The following DDR2 variants were observed in gnomAD, a reference collection of about 807,000 sequenced individuals.
The protein encoded by DDR2 is discoidin domain-containing receptor 2.
DDR2 carries 27 observed loss-of-function variants against 94.9 expected under a neutral mutation model. The ratio of observed to expected loss-of-function variants is 0.28; its 90% CI spans 0.21 to 0.39. The LOEUF is 0.39. DDR2 is among the 10% of genes least tolerant of loss of function. The pLI, the probability that DDR2 is intolerant of heterozygous loss-of-function variation, is 1.00. For synonymous variants in DDR2, 382 were observed against 377.2 expected (o/e 1.01, Z -0.15); for missense variants, 783 against 1,076.0 (o/e 0.73, Z 3.81).
At chr1:162,701,382 A>AGG (rs1660425425) in intron 2 of DDR2, among the ~76,000 whole-genome samples, 1 of 152,360 alleles carries the variant, frequency 6.6e-6, no homozygotes, top group Middle Eastern at 3.4e-3. Flanking sequence ...TTACGTGTGT[A>AGG]GGTGATATGG....
intron 10 of DDR2, 58 bp from the exon 11 acceptor site, chr1:162,767,171 A>G (rs1233507163): frequency 1.9e-6 from 3 of 1,612,984 alleles, no homozygotes; most frequent in Non-Finnish European, 2.5e-6. Flanking sequence ...TCAGTCCCTC[A>G]TACTTTTACT....
intron 2 of DDR2, among the ~76,000 whole-genome samples, chr1:162,700,225 C>T (rs562462555): frequency 6.6e-6 from 1 of 152,230 alleles, no homozygotes; most frequent in Non-Finnish European, 1.5e-5. Context: ...TGATGTTTGG[C>T]GACAATATCC....
rs1322190335 is a variant in DDR2 at position 162,753,095 on chromosome 1, C to T, written c.83C>T (p.Ala28Val). ...LSSAKAQVNPAICRYPLGMSG... is the reference protein window; with the variant it reads ...LSSAKAQVNPVICRYPLGMSG... ...TTCTCTTTGGTTTCTCTTGGTCTAG[C>T]TATATGCCGCTATCCTCTGGGCATG... is the stretch of plus-strand genomic sequence containing the variant. The change falls in exon 4 of 18, where the codon GCT (alanine) becomes GTT (valine). Residue 28 changes from alanine (A) to valine (V), a missense_variant and splice_region_variant. By Grantham distance (64) the Ala-to-Val change is moderately conservative (BLOSUM62 0). This residue lies in a region of DDR2 where 519 missense variants were observed against 647.9 expected (regional missense o/e 0.80). Coordinates refer to ENST00000367921, the MANE Select transcript of DDR2 (RefSeq NM_006182.4). The T allele has an allele frequency of 2.5e-6, 4 of 1,612,894 alleles. No homozygotes were observed. Among genetic ancestry groups the T allele is most frequent in the Middle Eastern group, 3.3e-4 (2 of 6,012 alleles).
At chr1:162,730,057 G>GGAA (rs1661952865) in intron 3 of DDR2, among the ~76,000 whole-genome samples, 1 of 66,656 alleles carries the variant, frequency 1.5e-5, no homozygotes, top group African/African-American at 6.2e-5. Context: ...TTTTTTTTTT[G>GGAA]CAAAAAAAAA....
At chr1:162,666,215 T>C (rs1658554846) in intron 2 of DDR2, among the ~76,000 whole-genome samples, 1 of 152,196 alleles carries the variant, frequency 6.6e-6, no homozygotes. Context: ...TACTCTCCTC[T>C]CTCTCTCATT....
At chr1:162,673,280 C>T (rs1379548684) in intron 2 of DDR2, among the ~76,000 whole-genome samples, 1 of 152,154 alleles carries the variant, frequency 6.6e-6, no homozygotes, top group Non-Finnish European at 1.5e-5. Flanking sequence ...GGTATGGGAA[C>T]ATCACCCTCT....
At chr1:162,673,587 G>A (rs554265526) in intron 2 of DDR2, among the ~76,000 whole-genome samples, 14 of 125,966 alleles carry the variant, frequency 1.1e-4, no homozygotes, top group Admixed American at 9.7e-4. Flanking sequence ...GTGCGTGTGT[G>A]TGTGTGTATG....
chr1:162,685,297 G>A (rs923723084), intron 2 of DDR2, among the ~76,000 whole-genome samples: 1 of 152,146 alleles, frequency 6.6e-6, no homozygotes, highest in Non-Finnish European at 1.5e-5. Context: ...TAGAATGTAT[G>A]AATGAAATGG....
intron 2 of DDR2, 95 bp downstream of exon 2, chr1:162,655,469 C>T (rs1395460957): frequency 6.6e-6 from 1 of 152,188 alleles, no homozygotes; most frequent in Admixed American, 6.5e-5. Context: ...CCTGGTGTCA[C>T]AGGGAAAGTT....
intron 2 of DDR2, among the ~76,000 whole-genome samples, chr1:162,710,758 A>G (rs935797774): frequency 3.2e-5 from 3 of 92,670 alleles, no homozygotes; most frequent in East Asian, 5.7e-4. Flanking sequence ...TGCCACACAC[A>G]GTCATGCACA....
chr1:162,767,807 G>GGTGT (rs145645107), intron 11 of DDR2, among the ~76,000 whole-genome samples: 2 of 149,458 alleles, frequency 1.3e-5, no homozygotes, highest in African/African-American at 4.9e-5. Flanking sequence ...TTGTCTGTTT[G>GGTGT]GTGTGTGTGT....
rs757919179 is a variant in DDR2, at chr1:162,754,835, C to T, written c.397C>T (p.Arg133Trp). Reference protein sequence around the residue: ...SRDGTRWISWRNRHGKQVLDG... With the variant: ...SRDGTRWISWWNRHGKQVLDG... ...GGATGGCACTCGCTGGATCTCTTGG[C>T]GGAACCGTCATGGGAAACAGGTAGG... The change falls in exon 5 of 18, where the codon CGG becomes TGG. Residue 133 changes from arginine to tryptophan, a missense_variant. By Grantham distance (101) the Arg-to-Trp change is moderately radical. This residue lies in a region of DDR2 where 519 missense variants were observed against 647.9 expected (regional missense o/e 0.80). Coordinates refer to ENST00000367921, the MANE Select transcript of DDR2 (RefSeq NM_006182.4). The T allele has an allele frequency of 9.3e-6, 15 of 1,613,936 alleles. No individual in the cohort carries two copies. Among genetic ancestry groups the T allele is most frequent in the Non-Finnish European group, 1.3e-5 (15 of 1,179,984 alleles).
At chr1:162,655,746 C>G (rs1657925024) in intron 2 of DDR2, among the ~76,000 whole-genome samples, 1 of 152,124 alleles carries the variant, frequency 6.6e-6, no homozygotes. Flanking sequence ...CAGCGTCAAT[C>G]TGTGTTTTCT....
At chr1:162,698,589 T>C (rs1251667980) in intron 2 of DDR2, among the ~76,000 whole-genome samples, 1 of 152,168 alleles carries the variant, frequency 6.6e-6, no homozygotes, top group East Asian at 1.9e-4. Flanking sequence ...AATCTAGCAC[T>C]ATGATTAGGG....
intron 3 of DDR2, among the ~76,000 whole-genome samples, chr1:162,748,645 C>T (rs1273966030): frequency 1.3e-5 from 2 of 152,154 alleles, no homozygotes; most frequent in Non-Finnish European, 1.5e-5. Context: ...CAGCTCTGCA[C>T]CAAGTGGACC....
At position 162,660,361 on chromosome 1, in the gene DDR2, C is replaced by G. The variant is rs1046170040; in HGVS notation, c.-28+4987C>G. ...AGGCGGCGGTGGGCAGTTGGGACCC[C>G]CCGTACTTATGTTCTGCTCCAATAT... On this transcript the variant is annotated intron_variant, in intron 2 of 17. Coordinates refer to ENST00000367921, the MANE Select transcript of DDR2 (RefSeq NM_006182.4). Among the ~76,000 whole-genome samples, 4 of 139,928 alleles carry G rather than the reference C, an allele frequency of 2.9e-5. No individual in the cohort carries two copies. In the Admixed American group the frequency reaches 3.0e-4, roughly 11 times the overall value. 91.8% of individuals were successfully genotyped at this position (139,928 alleles called of 152,430 possible). A position where few individuals can be genotyped will look rare whatever the true frequency, so the allele number is the denominator to read the frequency against.
chr1:162,734,277 C>A (rs1444204621), intron 3 of DDR2, among the ~76,000 whole-genome samples: 3 of 152,228 alleles, frequency 2.0e-5, no homozygotes, highest in Non-Finnish European at 2.9e-5. Flanking sequence ...CAAGGCTACC[C>A]TTGACCAAAC....
intron 3 of DDR2, among the ~76,000 whole-genome samples, chr1:162,751,753 T>C (rs550282014): frequency 1.3e-5 from 2 of 152,296 alleles, no homozygotes; most frequent in South Asian, 2.1e-4. Flanking sequence ...AACCCAAATG[T>C]CCATCAATGA....
At chr1:162,654,301 C>T (rs940548240) in intron 1 of DDR2, among the ~76,000 whole-genome samples, 2 of 151,944 alleles carry the variant, frequency 1.3e-5, no homozygotes, top group Non-Finnish European at 2.9e-5. Flanking sequence ...CAAAAATTAG[C>T]TGGGCATGGT....
Sources: gnomAD v4.1 joint callset for allele counts (sites outside exome capture counted in the v4.1 genomes callset) on GRCh38, gnomAD v4.1.1 for gene constraint, gnomAD v4.1.1 regional missense constraint, MANE v1.5 for transcripts, NCBI Gene and HGNC (gene_info 2026-07-23, HGNC 2026-07-21) for gene names.